The following DNAH17 variants were observed in gnomAD, a reference collection of about 807,000 sequenced individuals.
DNAH17 encodes dynein axonemal heavy chain 17.
DNAH17 carries 376 observed loss-of-function variants against 485.6 expected under a neutral mutation model. That is an observed-to-expected ratio of 0.77 (90% CI 0.71 to 0.84). The LOEUF is 0.84. Among genes scored for constraint, DNAH17 ranks in the 40% least tolerant of loss-of-function variants. The pLI is 0.00. For synonymous variants in DNAH17, 3,031 were observed against 2,405.9 expected (o/e 1.26, Z -7.60); for missense variants, 6,370 against 5,839.3 (o/e 1.09, Z -2.96).
intron 34 of DNAH17, 64 bp downstream of exon 34, chr17:78,501,678 G>A: frequency 6.3e-7 from 1 of 1,576,698 alleles, no homozygotes; most frequent in Non-Finnish European, 8.6e-7. Context: ...GTCCCTGAAT[G>A]CACTGCCCTG....
intron 25 of DNAH17, 148 bp from the exon 26 acceptor site, chr17:78,515,170 G>C: frequency 2.0e-6 from 2 of 1,008,362 alleles, no homozygotes; most frequent in Non-Finnish European, 2.8e-6. Context: ...AAAGTGATTA[G>C]ATACAAGAAA....
At chr17:78,497,307 TC>T (rs1400753778) in intron 37 of DNAH17, among the ~76,000 whole-genome samples, 1 of 152,114 alleles carries the variant, frequency 6.6e-6, no homozygotes, top group African/African-American at 2.4e-5. Context: ...GTAAAGCTGC[TC>T]CCAGCACCTG....
At chr17:78,440,273 TTGAGACA>T in intron 72 of DNAH17, among the ~76,000 whole-genome samples, 1 of 98,156 alleles carries the variant, frequency 1.0e-5, no homozygotes. Flanking sequence ...TTTTTTTTTT[TTGAGACA>T]GGGTCTTACT....
chr17:78,552,640 C>T, intron 15 of DNAH17, 57 bp downstream of exon 15: 1 of 1,258,716 alleles, frequency 7.9e-7, no homozygotes, highest in Non-Finnish European at 1.2e-6. Context: ...AGGACAGATG[C>T]TGGGCAGGTT....
At chr17:78,575,795 A>C (rs917051738) in intron 1 of DNAH17, among the ~76,000 whole-genome samples, 1 of 152,238 alleles carries the variant, frequency 6.6e-6, no homozygotes, top group African/African-American at 2.4e-5. Context: ...TGAGGTACTT[A>C]CAGAATTTAA....
intron 24 of DNAH17, among the ~76,000 whole-genome samples, chr17:78,525,978 G>A (rs1364904352): frequency 1.3e-5 from 2 of 152,262 alleles, no homozygotes; most frequent in African/African-American, 2.4e-5. Flanking sequence ...GGAGGTGCAG[G>A]TGGGGCCGAC....
chr17:78,537,843 A>G (rs980927357), intron 18 of DNAH17, among the ~76,000 whole-genome samples: 29 of 152,260 alleles, frequency 1.9e-4, no homozygotes, highest in African/African-American at 6.8e-4. Flanking sequence ...ATTTTATAGA[A>G]TGGAGACATT....
intron 24 of DNAH17, among the ~76,000 whole-genome samples, chr17:78,526,386 T>C (rs1036684912): frequency 3.9e-5 from 6 of 152,132 alleles, no homozygotes; most frequent in Non-Finnish European, 7.4e-5. Flanking sequence ...GCCTGAGCCG[T>C]GGGCCTGGAG....
In DNAH17 at chr17:78,553,283, G is replaced by GGTGTT. The variant is rs2091944708; in HGVS notation, c.2179-479_2179-478insAACAC. The stretch of plus-strand genomic sequence containing the variant: ...AAATTACCCAGTCCCAGGTTTTTGT[G>GGTGTT]TTTTTTTTTTTTTTTTTTTTTTTTT... On this transcript the variant is annotated intron_variant, in intron 14 of 80. Coordinates refer to ENST00000389840, the MANE Select transcript of DNAH17 (RefSeq NM_173628.4). Among the ~76,000 whole-genome samples the GGTGTT allele has an allele frequency of 8.6e-4, 44 of 51,018 alleles. 1 individual carries two copies. Among genetic ancestry groups the GGTGTT allele is most frequent in the African/African-American group, 3.7e-3 (41 of 11,072 alleles). The allele number at this position is 51,018 out of a possible 152,430, so 33.5% of individuals were successfully genotyped here.
At chr17:78,463,362 GTA>G (rs2088240681) in intron 56 of DNAH17, among the ~76,000 whole-genome samples, 2 of 152,018 alleles carry the variant, frequency 1.3e-5, no homozygotes, top group Non-Finnish European at 2.9e-5. Flanking sequence ...ACACACACAC[GTA>G]TATGTGCACA....
intron 16 of DNAH17, among the ~76,000 whole-genome samples, chr17:78,546,967 G>A (rs1362612998): frequency 6.6e-6 from 1 of 152,058 alleles, no homozygotes; most frequent in Non-Finnish European, 1.5e-5. Flanking sequence ...TCAGGATATG[G>A]TTAACTTCCC....
chr17:78,458,758 C>T (rs982514468), intron 61 of DNAH17, 78 bp from the exon 62 acceptor site: 1 of 1,338,008 alleles, frequency 7.5e-7, no homozygotes, highest in African/African-American at 1.4e-5. Flanking sequence ...CAGGGCTGGG[C>T]CCTGTGAGCG....
In DNAH17 at chr17:78,543,999, T is replaced by G; in HGVS notation, c.2392-2A>C. 1 of 1,614,006 alleles carries G rather than the reference T, an allele frequency of 6.2e-7. No homozygotes were observed. The highest frequency in any genetic ancestry group is 8.5e-7 in the Non-Finnish European group (1 of 1,179,890). Reference sequence around the variant, plus strand: ...AAACAGCGGGTTGGCCGACCAGTCCTGGAAGGAAAGCACAGGAGTGAGAAA... The same window carrying G: ...AAACAGCGGGTTGGCCGACCAGTCCGGGAAGGAAAGCACAGGAGTGAGAAA... On this transcript the variant is annotated splice_acceptor_variant, in intron 16 of 80. Transcript: ENST00000389840. LOFTEE classifies it high-confidence loss of function.
At position 78,445,555 on chromosome 17, in the gene DNAH17, A is replaced by C. The variant is rs2087248980; in HGVS notation, c.11334+3T>G. The C allele has an allele frequency of 6.4e-7, 1 of 1,561,510 alleles. No homozygotes were observed. Among genetic ancestry groups the C allele is most frequent in the African/African-American group, 1.4e-5 (1 of 73,588 alleles). ...ACAACGTGTTCAACGTCTAAAGACG[A>C]ACCTTGATCCCGCCCCAGCCTTGAT... On this transcript the variant is annotated splice_donor_region_variant and intron_variant, in intron 70 of 80. Transcript: ENST00000389840.
In DNAH17 at chr17:78,479,570, G is replaced by T. The variant is rs775354868; in HGVS notation, c.7815C>A (p.Asn2605Lys). ...PGQEALTTIY[N>K]TILTQHLAFR... is the part of the protein sequence containing the mutation. ...AGGCCAGGTGCTGCGTCAGGATTGT[G>T]TTGTAGATGGTGGTGAGGGCCTCCT... Residue 2605 changes from asparagine (N) to lysine (K), a missense_variant, in exon 50 of 81, where the codon AAC (asparagine) becomes AAA (lysine). Transcript: ENST00000389840. The T allele has an allele frequency of 6.2e-7, 1 of 1,613,680 alleles. No individual in the cohort carries two copies. Among genetic ancestry groups the T allele is most frequent in the South Asian group, 1.1e-5 (1 of 91,074 alleles).
intron 69 of DNAH17, among the ~76,000 whole-genome samples, chr17:78,446,123 G>A (rs1267277188): frequency 8.4e-6 from 1 of 118,696 alleles, no homozygotes; most frequent in Admixed American, 1.2e-4. Flanking sequence ...ACAGTAAGCC[G>A]AGATTACGCC....
chr17:78,469,138 TTCTG>T (rs375257890), intron 54 of DNAH17, among the ~76,000 whole-genome samples: 54 of 151,056 alleles, frequency 3.6e-4, no homozygotes, highest in African/African-American at 1.2e-3. Context: ...ACTTTCTTTT[TTCTG>T]TCTTTTTCTT....
At chr17:78,523,591 A>G (rs1568194047) in intron 25 of DNAH17, among the ~76,000 whole-genome samples, 1 of 152,260 alleles carries the variant, frequency 6.6e-6, no homozygotes, top group African/African-American at 2.4e-5. Context: ...GCAGTTCACC[A>G]AGGAGGATAT....
chr17:78,485,540 C>G lies in DNAH17; in HGVS notation c.7483+10G>C. The G allele has an allele frequency of 1.3e-6, 2 of 1,590,864 alleles. No individual in the cohort carries two copies. Among genetic ancestry groups the G allele is most frequent in the Non-Finnish European group, 1.7e-6 (2 of 1,169,560 alleles). On this transcript the variant is annotated intron_variant, in intron 47 of 80. Transcript: ENST00000389840. ...GCCGGGTAGGCAGGGCGTGGCCGGA[C>G]CAGCCTCACCCTGCAGCATGGCTGA...
Sources: allele counts gnomAD v4.1 joint callset (sites outside exome capture counted in the v4.1 genomes callset), GRCh38; gene constraint gnomAD v4.1.1; transcripts MANE v1.5; gene names NCBI Gene and HGNC (gene_info 2026-07-23, HGNC 2026-07-21).